The following PHF24 variants were observed in gnomAD, a reference collection of about 807,000 sequenced individuals.
The protein encoded by PHF24 is Galpha inhibitory interacting protein.
A neutral mutation model predicts 42.6 loss-of-function variants in PHF24; 25 were observed. That is an observed-to-expected ratio of 0.59 (90% confidence interval 0.43 to 0.82). The LOEUF (loss-of-function observed/expected upper bound fraction) is 0.82, where lower values mean the gene tolerates loss of function less well. Ranked by LOEUF, PHF24 falls within the 40% of genes least tolerant of loss-of-function variation. PHF24 has a pLI of 0.00. For missense variants in PHF24, 470 were observed against 538.1 expected (o/e 0.87, Z 1.25); for synonymous variants, 185 against 204.8 (o/e 0.90, Z 0.83).
At chr9:34,745,701 C>T in the PHF24 span, among the ~76,000 whole-genome samples, 1 of 146,036 alleles carries the variant, frequency 6.8e-6, no homozygotes, top group Non-Finnish European at 1.5e-5. Flanking sequence ...GAAAAATATA[C>T]CCACAACTTT....
chr9:34,777,096 T>C, the PHF24 span, among the ~76,000 whole-genome samples: 7 of 152,140 alleles, frequency 4.6e-5, no homozygotes, highest in African/African-American at 1.2e-4. Context: ...TTGGGCCCCA[T>C]TGGTGGCAGC....
chr9:34,955,295 A>G (rs1826344944), upstream of PHF24, among the ~76,000 whole-genome samples: 1 of 151,736 alleles, frequency 6.6e-6, no homozygotes. Context: ...TATTTTTGGC[A>G]TATGTTTGCC....
the PHF24 span, among the ~76,000 whole-genome samples, chr9:34,909,669 T>C: frequency 6.6e-6 from 1 of 151,798 alleles, no homozygotes; most frequent in Non-Finnish European, 1.5e-5. Flanking sequence ...TCGCCCAGGC[T>C]GGAGTGCAGT....
chr9:34,892,758 C>T, the PHF24 span: 1 of 525,184 alleles, frequency 1.9e-6, no homozygotes, highest in South Asian at 3.2e-5. Context: ...GATCCCATGA[C>T]CTGGGACACA....
the PHF24 span, among the ~76,000 whole-genome samples, chr9:34,877,981 CAT>C: frequency 6.6e-6 from 1 of 152,034 alleles, no homozygotes; most frequent in South Asian, 2.1e-4. Flanking sequence ...ATGGTTGATA[CAT>C]GTCATTATAC....
chr9:34,718,818 A>C, the PHF24 span, among the ~76,000 whole-genome samples: 1 of 152,214 alleles, frequency 6.6e-6, no homozygotes, highest in Non-Finnish European at 1.5e-5. Flanking sequence ...GTTGTGGAGA[A>C]GCCACCCTCC....
the PHF24 span, among the ~76,000 whole-genome samples, chr9:34,779,718 C>A: frequency 6.6e-6 from 1 of 152,032 alleles, no homozygotes; most frequent in Non-Finnish European, 1.5e-5. Context: ...CATATATGGT[C>A]AATTGTTTTG....
At chr9:34,915,213 TTG>T in the PHF24 span, among the ~76,000 whole-genome samples, 1 of 151,974 alleles carries the variant, frequency 6.6e-6, no homozygotes, top group Non-Finnish European at 1.5e-5. Flanking sequence ...TTTGTATTTT[TTG>T]TAGAGACGGG....
the PHF24 span, among the ~76,000 whole-genome samples, chr9:34,739,774 C>A: frequency 6.6e-6 from 1 of 152,110 alleles, no homozygotes; most frequent in Non-Finnish European, 1.5e-5. Flanking sequence ...GAAGGATACC[C>A]CAGCGTGTTG....
At chr9:34,953,583 C>T (rs1826307146), upstream of PHF24, among the ~76,000 whole-genome samples, 2 of 152,138 alleles carry the variant, frequency 1.3e-5, no homozygotes, top group Admixed American at 6.5e-5. This position sits in a 1 kb window ranked among gnomAD's most constrained non-coding sequence, Gnocchi z 4.1. Context: ...TTGTTTACTG[C>T]ACCAGGAGAT....
At chr9:34,920,537 G>T in the PHF24 span, among the ~76,000 whole-genome samples, 1 of 152,074 alleles carries the variant, frequency 6.6e-6, no homozygotes, top group Non-Finnish European at 1.5e-5. Flanking sequence ...TTTCTTTAAA[G>T]AATATCCTCA....
the PHF24 span, among the ~76,000 whole-genome samples, chr9:34,745,591 G>A: frequency 6.6e-6 from 1 of 151,370 alleles, no homozygotes; most frequent in Admixed American, 6.6e-5. Context: ...GTGTCCATGA[G>A]AAAAAAGACC....
At position 34,976,443 on chromosome 9, in the gene PHF24, G is replaced by C. The variant is rs1337910761; in HGVS notation, c.644-92G>C. On this transcript the variant is annotated intron_variant, in intron 4 of 7. Transcript: ENST00000242315. Reference sequence around the variant, plus strand: ...AGGCAGAGACTTAGCAAGAGCTGTGGGTTTGGGGGCCCCGAGGGTGCCCTG... The same window carrying C: ...AGGCAGAGACTTAGCAAGAGCTGTGCGTTTGGGGGCCCCGAGGGTGCCCTG... 2.2e-6 allele frequency: 3 copies of C among 1,352,146 alleles called. No homozygotes were observed. In the African/African-American group the frequency reaches 4.3e-5, roughly 20 times the overall value. The allele number at this position is 1,352,146 out of a possible 1,614,324, so 83.8% of individuals were successfully genotyped here.
chr9:34,705,943 C>T, the PHF24 span, among the ~76,000 whole-genome samples: 1 of 152,108 alleles, frequency 6.6e-6, no homozygotes, highest in African/African-American at 2.4e-5. Context: ...AAGTTATAAC[C>T]ACATTCACCT....
At chr9:34,868,726 A>C in the PHF24 span, among the ~76,000 whole-genome samples, 1 of 152,250 alleles carries the variant, frequency 6.6e-6, no homozygotes, top group East Asian at 1.9e-4. Flanking sequence ...GAGGTTCCCT[A>C]AATGCTTTCT....
chr9:34,685,021 C>G, the PHF24 span, among the ~76,000 whole-genome samples: 2 of 152,112 alleles, frequency 1.3e-5, no homozygotes, highest in Admixed American at 1.3e-4. Flanking sequence ...CCTGCCTGCC[C>G]CTGGCCCCTT....
At chr9:34,952,105 T>C in the PHF24 span, among the ~76,000 whole-genome samples, 2 of 152,210 alleles carry the variant, frequency 1.3e-5, no homozygotes, top group South Asian at 4.1e-4. Context: ...ATAGTCTCTA[T>C]TCACAGAGAA....
At chr9:34,681,696 A>T in the PHF24 span, among the ~76,000 whole-genome samples, 1 of 152,310 alleles carries the variant, frequency 6.6e-6, no homozygotes, top group East Asian at 1.9e-4. Flanking sequence ...CTGTAGTCCC[A>T]GCTACTTGGG....
At chr9:34,727,494 C>T in the PHF24 span, among the ~76,000 whole-genome samples, 1 of 152,192 alleles carries the variant, frequency 6.6e-6, no homozygotes, top group African/African-American at 2.4e-5. Context: ...CGGAACCAGT[C>T]CTGTTCTCTA....
Sources: gnomAD v4.1 joint callset for allele counts (sites outside exome capture counted in the v4.1 genomes callset) on GRCh38, gnomAD v4.1.1 for gene constraint, Gnocchi (gnomAD v3.1) non-coding constraint, MANE v1.5 for transcripts, NCBI Gene and HGNC (gene_info 2026-07-23, HGNC 2026-07-21) for gene names.